PDGFD: variants seen among roughly 807,000 people sequenced by gnomAD.
The protein encoded by PDGFD is platelet derived growth factor D, also known as platelet-derived growth factor D.
PDGFD carries 30 observed loss-of-function variants against 44.7 expected under a neutral mutation model. The observed-to-expected ratio is 0.67, with a 90% CI of 0.50 to 0.91. The LOEUF (loss-of-function observed/expected upper bound fraction) is 0.91. Among genes scored for constraint, PDGFD ranks in the 40% least tolerant of loss-of-function variants. PDGFD has a pLI of 0.00. For synonymous variants in PDGFD, 173 were observed against 168.4 expected, an observed-to-expected ratio of 1.03 and a Z score of -0.21; for missense variants, 445 against 457.8, an observed-to-expected ratio of 0.97 and a Z score of 0.25.
chr11:103,927,260 C>G (rs1462723740), intron 5 of PDGFD, 134 bp from the exon 6 acceptor site: 11 of 739,970 alleles, frequency 1.5e-5, no homozygotes, highest in Non-Finnish European at 2.4e-5. Flanking sequence ...TCCTCAGGCT[C>G]TCAATTACTG....
intron 3 of PDGFD, among the ~76,000 whole-genome samples, chr11:103,987,659 C>T (rs1171978116): frequency 6.6e-6 from 1 of 152,164 alleles, no homozygotes. Flanking sequence ...AATGAAACTG[C>T]TACTTTTGAG....
chr11:103,942,148 G>A (rs1858593994), intron 5 of PDGFD, among the ~76,000 whole-genome samples: 1 of 152,070 alleles, frequency 6.6e-6, no homozygotes, highest in African/African-American at 2.4e-5. Flanking sequence ...TGCTAAAGCA[G>A]CCCAGGTTCA....
chr11:104,038,800 G>A (rs1338250334), intron 1 of PDGFD: 2 of 167,006 alleles, frequency 1.2e-5, no homozygotes, highest in Non-Finnish European at 2.9e-5. Flanking sequence ...TTGTACAGTG[G>A]TGGGAATGAG....
chr11:104,140,422 C>T (rs978575830), intron 1 of PDGFD, among the ~76,000 whole-genome samples: 1 of 151,744 alleles, frequency 6.6e-6, no homozygotes, highest in Non-Finnish European at 1.5e-5. Context: ...CATGAAAAAC[C>T]CGTAAATCCA....
intron 1 of PDGFD, chr11:104,038,011 T>G (rs761812978): frequency 1.2e-6 from 2 of 1,609,350 alleles, no homozygotes; most frequent in Non-Finnish European, 1.7e-6. Context: ...AAAAGAGCAT[T>G]AAAGCACGTT....
At chr11:104,107,688 T>C (rs1468855424) in intron 1 of PDGFD, among the ~76,000 whole-genome samples, 1 of 152,148 alleles carries the variant, frequency 6.6e-6, no homozygotes, top group Non-Finnish European at 1.5e-5. Flanking sequence ...TCACTACTAG[T>C]GGAGTAAAGA....
At chr11:104,151,014 C>G (rs542595363) in intron 1 of PDGFD, among the ~76,000 whole-genome samples, 1 of 152,132 alleles carries the variant, frequency 6.6e-6, no homozygotes, top group East Asian at 1.9e-4. Context: ...TTTTATATAA[C>G]ATTTTGCAAT....
intron 3 of PDGFD, among the ~76,000 whole-genome samples, chr11:103,991,940 G>A (rs575339523): frequency 2.0e-5 from 3 of 152,138 alleles, no homozygotes; most frequent in East Asian, 3.9e-4. Flanking sequence ...ACCATCTACC[G>A]GGGGGAGCCT....
chr11:104,005,443 C>A (rs1591117412), intron 1 of PDGFD, among the ~76,000 whole-genome samples: 1 of 152,092 alleles, frequency 6.6e-6, no homozygotes, highest in Non-Finnish European at 1.5e-5. Flanking sequence ...AACTTAATGC[C>A]AACTCAGGGC....
chr11:103,975,685 G>A (rs1859173670), intron 3 of PDGFD, among the ~76,000 whole-genome samples: 1 of 152,098 alleles, frequency 6.6e-6, no homozygotes, highest in African/African-American at 2.4e-5. Context: ...GTATATGGAA[G>A]GGGTCCAGTT....
intron 1 of PDGFD, among the ~76,000 whole-genome samples, chr11:104,113,280 G>A (rs1403359413): frequency 6.6e-6 from 1 of 152,138 alleles, no homozygotes; most frequent in Non-Finnish European, 1.5e-5. Context: ...TGAGGATGTT[G>A]CCATGTCCAA....
chr11:104,119,309 GATATAATATATTGATATAAT>G (rs1861715067), intron 1 of PDGFD, among the ~76,000 whole-genome samples: 1 of 15,870 alleles, frequency 6.3e-5, no homozygotes, highest in Non-Finnish European at 1.1e-4. Context: ...ATAATATATT[GATATAATATATTGATATAAT>G]ATATAATATA....
chr11:104,135,458 T>C (rs113409121), intron 1 of PDGFD, among the ~76,000 whole-genome samples: 10 of 152,172 alleles, frequency 6.6e-5, no homozygotes, highest in Admixed American at 2.0e-4. Context: ...TAAGAGAACA[T>C]GCTATTTTCC....
intron 6 of PDGFD, among the ~76,000 whole-genome samples, chr11:103,912,270 C>T (rs747998650): frequency 3.3e-5 from 5 of 152,338 alleles, no homozygotes; most frequent in Non-Finnish European, 5.9e-5. Flanking sequence ...ATCAGACTAA[C>T]AGCGGATCTC....
At chr11:104,160,920 A>C (rs1862379518) in intron 1 of PDGFD, among the ~76,000 whole-genome samples, 1 of 152,194 alleles carries the variant, frequency 6.6e-6, no homozygotes, top group South Asian at 2.1e-4. Context: ...ATCATTTCTT[A>C]GCTACTCCAG....
chr11:104,140,130 A>T (rs78585740), intron 1 of PDGFD, among the ~76,000 whole-genome samples: 16,966 of 147,650 alleles, frequency 0.11, 1,414 homozygotes, highest in East Asian at 0.27. Context: ...AACCAAAGGA[A>T]ATACCAGTAT....
chr11:103,934,670 C>G (rs562254890), intron 5 of PDGFD, among the ~76,000 whole-genome samples: 2 of 152,134 alleles, frequency 1.3e-5, no homozygotes, highest in Non-Finnish European at 2.9e-5. Context: ...AGCATGTGTG[C>G]AAGTGTAGGG....
intron 3 of PDGFD, among the ~76,000 whole-genome samples, chr11:103,955,672 A>G (rs907999943): frequency 1.3e-5 from 2 of 152,236 alleles, no homozygotes; most frequent in Non-Finnish European, 2.9e-5. Context: ...AATAATTAAC[A>G]AGAATCAAAG....
At chr11:104,020,823 C>A (rs1859937946) in intron 1 of PDGFD, among the ~76,000 whole-genome samples, 1 of 152,050 alleles carries the variant, frequency 6.6e-6, no homozygotes, top group Non-Finnish European at 1.5e-5. Flanking sequence ...GTATCAAATT[C>A]ATTATGTTTT....
Sources: allele counts gnomAD v4.1 joint callset (sites outside exome capture counted in the v4.1 genomes callset), GRCh38; gene constraint gnomAD v4.1.1; transcripts MANE v1.5; gene names NCBI Gene and HGNC (gene_info 2026-07-23, HGNC 2026-07-21).